OR51B5: variants seen among roughly 807,000 people sequenced by gnomAD.
The protein encoded by OR51B5 is olfactory receptor family 51 subfamily B member 5.
For synonymous variants in OR51B5, 186 were observed against 144.8 expected (o/e 1.28, Z -2.04); for missense variants, 456 against 374.6 (o/e 1.22, Z -1.79).
intron 1 of OR51B5, among the ~76,000 whole-genome samples, chr11:5,406,419 A>G (rs983852206): frequency 6.6e-6 from 1 of 152,154 alleles, no homozygotes; most frequent in Non-Finnish European, 1.5e-5. Context: ...CACACAGTGA[A>G]AAGAATCTTG....
chr11:5,384,822 C>T (rs1054427871), intron 1 of OR51B5, among the ~76,000 whole-genome samples: 23 of 152,300 alleles, frequency 1.5e-4, no homozygotes, highest in African/African-American at 3.4e-4. Flanking sequence ...ATATGGCCTT[C>T]GCCTTCCAAA....
upstream of OR51B5, chr11:5,346,831 A>G (rs1050369922): frequency 3.3e-5 from 5 of 152,122 alleles, no homozygotes; most frequent in Non-Finnish European, 5.9e-5. Context: ...CCCAGGTACC[A>G]TAACTTGTTT....
At chr11:5,384,552 C>G (rs1398755935) in intron 1 of OR51B5, among the ~76,000 whole-genome samples, 2 of 152,204 alleles carry the variant, frequency 1.3e-5, no homozygotes, top group Non-Finnish European at 2.9e-5. Flanking sequence ...TGATGAGTGC[C>G]TGCATGGCCA....
chr11:5,468,702 G>A (rs1393156204), intron 1 of OR51B5: 1 of 456,450 alleles, frequency 2.2e-6, no homozygotes, highest in Non-Finnish European at 4.4e-6. Context: ...CATGTGTTGA[G>A]TGTCTTAAGC....
At chr11:5,398,294 C>T (rs75363060) in intron 1 of OR51B5, among the ~76,000 whole-genome samples, 10,914 of 152,192 alleles carry the variant, frequency 0.072, 455 homozygotes, top group African/African-American at 0.1. Context: ...AAGATACTGA[C>T]TCTATATCTT....
At chr11:5,448,290 A>G (rs1462573709) in intron 1 of OR51B5, among the ~76,000 whole-genome samples, 2 of 152,162 alleles carry the variant, frequency 1.3e-5, no homozygotes, top group Non-Finnish European at 2.9e-5. Context: ...AAGCCAACAG[A>G]GTCACTTAAT....
chr11:5,373,136 C>A (rs1267807489), intron 1 of OR51B5, among the ~76,000 whole-genome samples: 2 of 152,052 alleles, frequency 1.3e-5, no homozygotes, highest in African/African-American at 4.8e-5. Context: ...TAAAATTGGA[C>A]CTTTACCTTA....
At chr11:5,479,807 GCTAA>G (rs1241857344) in intron 1 of OR51B5, among the ~76,000 whole-genome samples, 1 of 144,606 alleles carries the variant, frequency 6.9e-6, no homozygotes, top group African/African-American at 2.6e-5. Flanking sequence ...AACAAGAAGA[GCTAA>G]CTATCCTAAA....
intron 1 of OR51B5, among the ~76,000 whole-genome samples, chr11:5,404,007 G>A (rs1312501385): frequency 3.3e-5 from 5 of 152,010 alleles, no homozygotes; most frequent in African/African-American, 9.7e-5. Flanking sequence ...TCCACTACAG[G>A]CTATGATGTG....
chr11:5,422,767 G>C (rs1460934421), intron 1 of OR51B5: 4 of 1,614,006 alleles, frequency 2.5e-6, no homozygotes, highest in Non-Finnish European at 3.4e-6. Flanking sequence ...TGATCCGCCT[G>C]GTCTGTGCTG....
intron 1 of OR51B5, among the ~76,000 whole-genome samples, chr11:5,503,829 G>A (rs191745148): frequency 6.6e-6 from 1 of 152,106 alleles, no homozygotes; most frequent in Admixed American, 6.5e-5. Flanking sequence ...TTTTTGAGGG[G>A]TAAGGATTAA....
chr11:5,448,926 C>T (rs911836309), intron 1 of OR51B5, among the ~76,000 whole-genome samples: 5 of 152,140 alleles, frequency 3.3e-5, no homozygotes, highest in African/African-American at 4.8e-5. Context: ...GAGTTTTCAT[C>T]CAGGAATAAC....
chr11:5,448,121 C>T (rs574029621), intron 1 of OR51B5, among the ~76,000 whole-genome samples: 3 of 152,174 alleles, frequency 2.0e-5, no homozygotes, highest in Admixed American at 6.6e-5. Flanking sequence ...TACAATGATA[C>T]CTTCATATTC....
intron 1 of OR51B5, among the ~76,000 whole-genome samples, chr11:5,435,746 A>G (rs905754250): frequency 2.0e-5 from 3 of 150,866 alleles, no homozygotes; most frequent in Non-Finnish European, 2.9e-5. Flanking sequence ...TGACCAATCA[A>G]TAGTCCAGTG....
At chr11:5,486,420 G>A (rs11369282) in intron 1 of OR51B5, among the ~76,000 whole-genome samples, 9,518 of 140,420 alleles carry the variant, frequency 0.068, 681 homozygotes, top group East Asian at 0.37. Flanking sequence ...GGTATGTGCC[G>A]CTAAATACTG....
chr11:5,402,763 T>C (rs1376885472), intron 1 of OR51B5: 1 of 471,380 alleles, frequency 2.1e-6, no homozygotes, highest in Non-Finnish European at 4.4e-6. Flanking sequence ...AGAACAGATA[T>C]TGCCCTACAT....
intron 1 of OR51B5, among the ~76,000 whole-genome samples, chr11:5,378,347 C>T (rs1161295292): frequency 6.6e-6 from 1 of 151,922 alleles, no homozygotes; most frequent in African/African-American, 2.4e-5. Context: ...AGACCTAAAA[C>T]CATAAAAACC....
At chr11:5,440,789 G>C (rs760564658) in intron 1 of OR51B5, 2 of 1,613,940 alleles carry the variant, frequency 1.2e-6, no homozygotes, top group East Asian at 4.5e-5. Flanking sequence ...GTGACATGCA[G>C]GTGTTGAGTG....
rs75208922 is a variant in OR51B5 at position 5,462,853 on chromosome 11, A to C, written n.84+42716T>G. Among the ~76,000 whole-genome samples, 1,379 of 152,340 alleles carry C rather than the reference A, an allele frequency of 9.1e-3. 23 individuals are homozygous for C. Among genetic ancestry groups the C allele is most frequent in the African/African-American group, 0.031 (1,278 of 41,566 alleles). ...ACAACTGAGGAGAGCATTTGCTCGT[A>C]AATGCTTTCAGGATTCCTAGAAACA... On this transcript the variant is annotated intron_variant and non_coding_transcript_variant, in intron 1 of 4. Transcript: ENST00000415970.
Sources: gnomAD v4.1 joint callset for allele counts (sites outside exome capture counted in the v4.1 genomes callset) on GRCh38, gnomAD v4.1.1 for gene constraint, MANE v1.5 for transcripts, NCBI Gene and HGNC (gene_info 2026-07-23, HGNC 2026-07-21) for gene names.